Variants in KASH5 observed in about 807,000 individuals in gnomAD.
KASH5 encodes the protein KASH domain containing 5.
KASH5 carries 72 observed loss-of-function variants against 84.2 expected under a neutral mutation model. The observed-to-expected ratio is 0.85, with a 90% CI of 0.71 to 1.04. KASH5 has a LOEUF of 1.04. Ranked by LOEUF, KASH5 falls within the 50% of genes least tolerant of loss-of-function variation. The pLI, the probability that KASH5 is intolerant of heterozygous loss-of-function variation, is 0.00. For synonymous variants in KASH5, 260 were observed against 279.1 expected, an observed-to-expected ratio of 0.93 and a Z score of 0.68; for missense variants, 650 against 701.0, an observed-to-expected ratio of 0.93 and a Z score of 0.82.
rs1250615590 is a variant in KASH5, at chr19:49,399,826, G to A, written c.798+319G>A. ...AATGGCATCTGCCTCAGTGGTTTGT[G>A]TGAGACTTCAACCGAAGGATACTTG... is the stretch of plus-strand genomic sequence containing the variant. On this transcript the variant is annotated intron_variant, in intron 9 of 19. Coordinates refer to ENST00000447857, the MANE Select transcript of KASH5 (RefSeq NM_144688.5). The surrounding 1 kb of genome is among the most constrained non-coding windows in gnomAD (Gnocchi z 4.4). The A allele has an allele frequency of 1.9e-6, 1 of 525,092 alleles. No individual in the cohort carries two copies. Among genetic ancestry groups the A allele is most frequent in the African/African-American group, 1.9e-5 (1 of 53,330 alleles). 32.5% of individuals were successfully genotyped at this position (525,092 alleles called of 1,614,324 possible). A position where few individuals can be genotyped will look rare whatever the true frequency, so the allele number is the denominator to read the frequency against.
chr19:49,397,990 C>G lies in KASH5; in HGVS notation c.476C>G (p.Thr159Arg). ...CCCTTCCTTGCCCCTAGACAAGCCA[C>G]AGCTGACCTGCTGAGCAGCCTGGAG... ...GEDPRPELQA[T>R]ADLLSSLEDL... Residue 159 changes from threonine (T) to arginine (R), a missense_variant, in exon 7 of 20, where the codon ACA becomes AGA. Physicochemically the swap from Thr to Arg is moderately conservative, Grantham distance 71. Coordinates refer to ENST00000447857, the MANE Select transcript of KASH5 (RefSeq NM_144688.5). 1 of 1,613,868 alleles carries G rather than the reference C, an allele frequency of 6.2e-7. No homozygotes were observed. Among genetic ancestry groups the G allele is most frequent in the Non-Finnish European group, 8.5e-7 (1 of 1,179,828 alleles).
intron 5 of KASH5, among the ~76,000 whole-genome samples, chr19:49,397,004 T>C (rs1439265783): frequency 6.7e-6 from 1 of 150,198 alleles, no homozygotes; most frequent in Non-Finnish European, 1.5e-5. Context: ...CAGTGAGCCA[T>C]GCATTGCACC....
intron 12 of KASH5, 25 bp from the exon 13 acceptor site, chr19:49,408,941 TG>T (rs758711294): frequency 4.5e-6 from 7 of 1,562,548 alleles, no homozygotes; most frequent in Non-Finnish European, 6.1e-6. Flanking sequence ...CAGAGCCAAA[TG>T]TGCTCCCCAC....
Position 49,417,739 on chromosome 19 carries a change from C to A in KASH5, c.*229C>A. ...TGGATTAAGCACTAAGGATTATTCC[C>A]TCACAAAACAAGCCTGGCGAGGGCA... On this transcript the variant is annotated 3_prime_UTR_variant, in exon 20 of 20. Coordinates refer to ENST00000447857, the MANE Select transcript of KASH5 (RefSeq NM_144688.5). The surrounding 1 kb of genome is among the most constrained non-coding windows in gnomAD (Gnocchi z 5.2). 1.9e-6 allele frequency: 1 copy of A among 524,396 alleles called. No individual in the cohort carries two copies. Among genetic ancestry groups the A allele is most frequent in the Non-Finnish European group, 3.0e-6 (1 of 334,072 alleles). 32.5% of individuals were successfully genotyped at this position (524,396 alleles called of 1,614,324 possible).
rs762241865 is a variant in KASH5 at position 49,409,278 on chromosome 19, C to T, written c.1141C>T (p.Arg381Ter). 1.4e-5 allele frequency: 22 copies of T among 1,613,552 alleles called. No homozygotes were observed. Among genetic ancestry groups the T allele is most frequent in the African/African-American group, 4.0e-5 (3 of 74,922 alleles). Reference protein sequence around the residue: ...PSLGLEIEAIRQKQEVATADL... With the variant: ...PSLGLEIEAI ...GCTGGGCTTGGAGATCGAGGCCATT[C>T]GACAGGTGGGCCTAACACCCCTGGA... Residue 381 changes from arginine (R) to a stop codon, truncating the protein, a stop_gained, in exon 14 of 20, where the codon CGA (arginine) becomes TGA (stop). Transcript: ENST00000447857. LOFTEE classifies it high-confidence loss of function.
chr19:49,390,648 T>A (rs1050838233), intron 1 of KASH5, 141 bp from the exon 2 acceptor site: 4 of 395,224 alleles, frequency 1.0e-5, no homozygotes, highest in African/African-American at 8.7e-5. Context: ...ATAAAACAGG[T>A]CAGAGCGGAG....
chr19:49,416,138 T>C lies in KASH5; in HGVS notation c.1375-877T>C, dbSNP rs573558907. Among the ~76,000 whole-genome samples the C allele has an allele frequency of 6.6e-6, 1 of 152,342 alleles. No individual in the cohort carries two copies. The highest frequency in any genetic ancestry group is 1.9e-4 in the East Asian group (1 of 5,196). ...AAATCATATTTCAGTATAGCAACCATGAGCAATTAGAAAAATAAATTTGTA... is the reference window on the plus strand; with the variant it reads ...AAATCATATTTCAGTATAGCAACCACGAGCAATTAGAAAAATAAATTTGTA... On this transcript the variant is annotated intron_variant, in intron 17 of 19. Transcript: ENST00000447857. This position sits in a 1 kb window ranked among gnomAD's most constrained non-coding sequence, Gnocchi z 5.4.
chr19:49,407,178 G>C (rs1974553206), intron 10 of KASH5, 62 bp from the exon 11 acceptor site: 1 of 1,578,788 alleles, frequency 6.3e-7, no homozygotes, highest in Admixed American at 1.7e-5. Context: ...GGGCCAGGTG[G>C]AGGGCAGGAC....
chr19:49,415,088 C>A, intron 17 of KASH5, 92 bp downstream of exon 17: 2 of 1,191,402 alleles, frequency 1.7e-6, no homozygotes, highest in Non-Finnish European at 2.4e-6. Flanking sequence ...CCCAGCCTCA[C>A]ACTCCAACTC....
intron 9 of KASH5, among the ~76,000 whole-genome samples, chr19:49,404,621 C>T (rs1974467307): frequency 6.6e-6 from 1 of 152,166 alleles, no homozygotes; most frequent in Non-Finnish European, 1.5e-5. Context: ...CATTCTCACC[C>T]AGGGCTGTGT....
intron 2 of KASH5, among the ~76,000 whole-genome samples, chr19:49,392,787 C>T (rs1974043296): frequency 6.6e-6 from 1 of 152,082 alleles, no homozygotes; most frequent in South Asian, 2.1e-4. Flanking sequence ...TAGCAGGCAC[C>T]TGTAATCCCA....
intron 12 of KASH5, among the ~76,000 whole-genome samples, chr19:49,408,518 G>A (rs1023133041): frequency 9.3e-5 from 14 of 151,028 alleles, no homozygotes; most frequent in Non-Finnish European, 1.9e-4. Flanking sequence ...GTGCAATCTC[G>A]GCTCACTGCA....
chr19:49,407,039 G>A, intron 10 of KASH5, 76 bp downstream of exon 10: 1 of 1,429,848 alleles, frequency 7.0e-7, no homozygotes, highest in Non-Finnish European at 9.6e-7. Context: ...TTTAGTGACT[G>A]CAGCCTGATA....
intron 11 of KASH5, 98 bp from the exon 12 acceptor site, chr19:49,407,514 C>CCCTGTCCCTTA: frequency 7.4e-7 from 1 of 1,344,498 alleles, no homozygotes; most frequent in Non-Finnish European, 1.0e-6. Context: ...CTCAAGCTCA[C>CCCTGTCCCTTA]CCTGTCCCTT....
At chr19:49,407,128 C>T in intron 10 of KASH5, 112 bp from the exon 11 acceptor site, 6 of 1,377,972 alleles carry the variant, frequency 4.4e-6, no homozygotes, top group Non-Finnish European at 4.0e-6. Flanking sequence ...CCTGGAACAT[C>T]TCAGGAGGCT....
At chr19:49,408,061 G>T (rs1226200637) in intron 12 of KASH5, among the ~76,000 whole-genome samples, 1 of 152,074 alleles carries the variant, frequency 6.6e-6, no homozygotes, top group African/African-American at 2.4e-5. Flanking sequence ...GACTACAGGT[G>T]CATGCCAGCA....
Position 49,394,560 on chromosome 19 carries a change from C to T in KASH5, c.128C>T (p.Ala43Val), listed in dbSNP as rs1974112050. 4 of 1,613,590 alleles carry T rather than the reference C, an allele frequency of 2.5e-6. No homozygotes were observed. The highest frequency in any genetic ancestry group is 3.4e-6 in the Non-Finnish European group (4 of 1,179,786). ...CAAATACTCAACTCCACGTTCGAAG[C>T]TTGTGACCCTCAGAGGACAGGTGGT... is the stretch of plus-strand genomic sequence containing the variant. ...EEQILNSTFE[A>V]CDPQRTGTVA... The change falls in exon 3 of 20, where the codon GCT becomes GTT. Residue 43 changes from alanine to valine, a missense_variant. Physicochemically the swap from Ala to Val is moderately conservative, Grantham distance 64. Transcript: ENST00000447857.
At chr19:49,390,707 G>T in intron 1 of KASH5, 82 bp from the exon 2 acceptor site, 1 of 609,904 alleles carries the variant, frequency 1.6e-6, no homozygotes, top group Non-Finnish European at 2.7e-6. Context: ...GGACCCAGAG[G>T]TCCTGGGGCA....
chr19:49,412,248 T>A lies in KASH5; in HGVS notation c.1270-720T>A, dbSNP rs374506639. 4.6e-5 allele frequency among the ~76,000 whole-genome samples: 7 copies of A among 151,588 alleles called. No homozygotes were observed. The highest frequency in any genetic ancestry group is 2.0e-4 in the East Asian group (1 of 5,086). On this transcript the variant is annotated intron_variant, in intron 15 of 19. Coordinates refer to ENST00000447857, the MANE Select transcript of KASH5 (RefSeq NM_144688.5). This position sits in a 1 kb window ranked among gnomAD's most constrained non-coding sequence, Gnocchi z 4.6. ...AGGGAGGAGGCTGGAGCAATGGTGA[T>A]GAAGCCTGAGCCAGGCCAGGGCCCT...
Sources: gnomAD v4.1 joint callset for allele counts (sites outside exome capture counted in the v4.1 genomes callset) on GRCh38, gnomAD v4.1.1 for gene constraint, Gnocchi (gnomAD v3.1) non-coding constraint, MANE v1.5 for transcripts, NCBI Gene and HGNC (gene_info 2026-07-23, HGNC 2026-07-21) for gene names.